The following GRIK3 variants were observed in gnomAD, a reference collection of about 807,000 sequenced individuals.
The protein encoded by GRIK3 is glutamate ionotropic receptor kainate type subunit 3, also known as glutamate receptor ionotropic, kainate 3.
Under a neutral mutation model 102.5 loss-of-function variants are expected in GRIK3, and 29 were observed. The ratio of observed to expected loss-of-function variants is 0.28; its 90% CI spans 0.21 to 0.39. The LOEUF is 0.39. Among genes scored for constraint, GRIK3 ranks in the 10% least tolerant of loss-of-function variants. The pLI, the probability that GRIK3 is intolerant of heterozygous loss-of-function variation, is 1.00. For missense variants in GRIK3, 908 were observed against 1,252.4 expected (o/e 0.73, Z 4.15); for synonymous variants, 511 against 504.9 (o/e 1.01, Z -0.16).
intron 1 of GRIK3, among the ~76,000 whole-genome samples, chr1:36,925,727 C>T (rs1641519615): frequency 6.6e-6 from 1 of 152,256 alleles, no homozygotes; most frequent in African/African-American, 2.4e-5. Context: ...CCAGATTTCT[C>T]CAGAGCTCTG....
intron 10 of GRIK3, among the ~76,000 whole-genome samples, chr1:36,841,118 A>C (rs1198623832): frequency 6.6e-6 from 1 of 151,946 alleles, no homozygotes; most frequent in African/African-American, 2.4e-5. Context: ...TCTTCCTCCC[A>C]ATGTCTCAAG....
chr1:36,959,947 T>C (rs4443858), intron 1 of GRIK3, among the ~76,000 whole-genome samples: 676 of 11,886 alleles, frequency 0.057, no homozygotes, highest in East Asian at 0.1. Flanking sequence ...CTCTGTGCCC[T>C]GTGAGCCTGT....
chr1:36,808,386 C>T (rs1032770813), intron 13 of GRIK3, among the ~76,000 whole-genome samples: 1 of 152,212 alleles, frequency 6.6e-6, no homozygotes, highest in South Asian at 2.1e-4. Context: ...TTTTAACTCT[C>T]CACAAAAGTG....
At position 36,796,860 on chromosome 1, in the gene GRIK3, C is replaced by G. The variant is rs148946262; in HGVS notation, c.*4991G>C. On this transcript the variant is annotated 3_prime_UTR_variant, in exon 16 of 16. Transcript: ENST00000373091. Reference sequence around the variant, plus strand: ...GAACAGGCCTGGGGAGTGGCCTGCTCTTTCCCAGCCCTTCTGCTCCTGATG... The same window carrying G: ...GAACAGGCCTGGGGAGTGGCCTGCTGTTTCCCAGCCCTTCTGCTCCTGATG... The G allele has an allele frequency of 2.0e-3, 308 of 152,328 alleles. 3 individuals carry two copies. The highest frequency in any genetic ancestry group is 7.1e-3 in the African/African-American group (294 of 41,576). The allele number at this position is 152,328 out of a possible 1,614,324, so 9.4% of individuals were successfully genotyped here.
intron 1 of GRIK3, among the ~76,000 whole-genome samples, chr1:36,944,646 C>T (rs533227634): frequency 6.6e-6 from 1 of 152,118 alleles, no homozygotes; most frequent in Non-Finnish European, 1.5e-5. Flanking sequence ...GCAGTCTCCC[C>T]TCATATTGCA....
intron 1 of GRIK3, among the ~76,000 whole-genome samples, chr1:36,965,778 C>A (rs750341283): frequency 6.6e-6 from 1 of 152,132 alleles, no homozygotes; most frequent in African/African-American, 2.4e-5. Context: ...GAAACATTTG[C>A]AAGGAGGGTA....
At chr1:36,802,569 A>G (rs1161473480) in intron 15 of GRIK3, among the ~76,000 whole-genome samples, 1 of 152,150 alleles carries the variant, frequency 6.6e-6, no homozygotes, top group African/African-American at 2.4e-5. Flanking sequence ...CATGTTTCTC[A>G]AGGTGGAAAA....
At chr1:36,957,780 C>G (rs1641938916) in intron 1 of GRIK3, among the ~76,000 whole-genome samples, 1 of 138,208 alleles carries the variant, frequency 7.2e-6, no homozygotes. Context: ...TCCCATGAGT[C>G]TGTGCCCCGT....
At chr1:36,922,447 C>A (rs1641484206) in intron 1 of GRIK3, among the ~76,000 whole-genome samples, 1 of 152,186 alleles carries the variant, frequency 6.6e-6, no homozygotes. Flanking sequence ...CTGAACTCCC[C>A]ATGAGCCAGC....
chr1:36,986,461 TCAGC>T (rs149184565), intron 1 of GRIK3, among the ~76,000 whole-genome samples: 4,902 of 125,792 alleles, frequency 0.039, 162 homozygotes, highest in African/African-American at 0.11. Flanking sequence ...CATCCATCCA[TCAGC>T]CCATCCATCC....
chr1:36,873,309 C>T (rs1441847174), intron 3 of GRIK3, among the ~76,000 whole-genome samples: 7 of 152,198 alleles, frequency 4.6e-5, no homozygotes, highest in African/African-American at 1.4e-4. Flanking sequence ...CCTTGGTTGG[C>T]GTTTTTGTAA....
At chr1:36,891,121 T>C (rs575316602) in intron 1 of GRIK3, 25 bp from the exon 2 acceptor site, 2 of 1,589,792 alleles carry the variant, frequency 1.3e-6, no homozygotes, top group Non-Finnish European at 1.7e-6. Context: ...TAAAATTGTG[T>C]GTGGTTGGGA....
At chr1:36,825,502 G>T in intron 11 of GRIK3, 101 bp downstream of exon 11, 1 of 703,204 alleles carries the variant, frequency 1.4e-6, no homozygotes, top group African/African-American at 1.8e-5. Context: ...GCAGTGGCCT[G>T]AGCCTTGGGC....
intron 1 of GRIK3, among the ~76,000 whole-genome samples, chr1:36,961,919 A>G (rs1642015161): frequency 6.6e-6 from 1 of 152,312 alleles, no homozygotes; most frequent in Non-Finnish European, 1.5e-5. Flanking sequence ...GTGGAAGGGG[A>G]CAGAGAAACC....
chr1:36,877,064 CCAT>C (rs1640919025), intron 3 of GRIK3, among the ~76,000 whole-genome samples: 1 of 152,194 alleles, frequency 6.6e-6, no homozygotes, highest in South Asian at 2.1e-4. Flanking sequence ...TAATTCCAGG[CCAT>C]CAGAGCTGAG....
At chr1:36,881,410 C>T (rs888272472) in intron 2 of GRIK3, among the ~76,000 whole-genome samples, 1 of 152,144 alleles carries the variant, frequency 6.6e-6, no homozygotes, top group African/African-American at 2.4e-5. Flanking sequence ...ACAGGATCCC[C>T]TCTTGTCCCA....
chr1:37,016,986 A>T (rs1419630520), intron 1 of GRIK3, among the ~76,000 whole-genome samples: 3 of 152,100 alleles, frequency 2.0e-5, no homozygotes, highest in Non-Finnish European at 1.5e-5. Context: ...AGACCAAGGC[A>T]GGTGGATCAC....
chr1:36,845,755 C>T (rs897535875), intron 9 of GRIK3, among the ~76,000 whole-genome samples: 2 of 152,212 alleles, frequency 1.3e-5, no homozygotes, highest in Non-Finnish European at 2.9e-5. Flanking sequence ...CCAGTTAGAA[C>T]CAGCACACAG....
chr1:36,845,840 C>T (rs960584174), intron 9 of GRIK3, among the ~76,000 whole-genome samples: 3 of 152,214 alleles, frequency 2.0e-5, no homozygotes, highest in Non-Finnish European at 4.4e-5. Flanking sequence ...CCAGCCAACA[C>T]TCTAGCCCCA....
Sources: allele counts gnomAD v4.1 joint callset (sites outside exome capture counted in the v4.1 genomes callset), GRCh38; gene constraint gnomAD v4.1.1; transcripts MANE v1.5; gene names NCBI Gene and HGNC (gene_info 2026-07-23, HGNC 2026-07-21).